Variants in NISCH observed in about 807,000 individuals in gnomAD.
NISCH encodes the protein I-1 receptor candidate protein.
Under a neutral mutation model 138.4 loss-of-function variants are expected in NISCH, and 55 were observed. That is an observed-to-expected ratio of 0.40 (90% CI 0.32 to 0.50). NISCH has a LOEUF of 0.50. Ranked by LOEUF, NISCH falls within the 20% of genes least tolerant of loss-of-function variation. NISCH has a pLI of 0.71. For synonymous variants in NISCH, 860 were observed against 861.5 expected, an observed-to-expected ratio of 1.00 and a Z score of 0.03; for missense variants, 1,643 against 2,005.5, an observed-to-expected ratio of 0.82 and a Z score of 3.45.
Position 52,488,394 on chromosome 3 carries a change from G to T in NISCH, c.2902G>T (p.Asp968Tyr). 1 of 1,613,856 alleles carries T rather than the reference G, an allele frequency of 6.2e-7. No individual in the cohort carries two copies. The highest frequency in any genetic ancestry group is 8.5e-7 in the Non-Finnish European group (1 of 1,180,014). ...TACCCAGCCTCGGGGCGCCTTTGCT[G>T]ATGGCCACGTGCTAGAGCTGCTCGT... Reference protein sequence around the residue: ...SCTQPRGAFADGHVLELLVGY... With the variant: ...SCTQPRGAFAYGHVLELLVGY... The change falls in exon 16 of 21, where the codon GAT becomes TAT. Residue 968 changes from aspartate (D) to tyrosine (Y), a missense_variant. Physicochemically the swap from Asp to Tyr is radical, Grantham distance 160. Transcript: ENST00000345716.
At chr3:52,481,544 C>T in intron 13 of NISCH, 2 of 985,526 alleles carry the variant, frequency 2.0e-6, no homozygotes, top group Non-Finnish European at 2.4e-6. Context: ...CCAAGCGAGC[C>T]TGTGGAGGTA....
intron 3 of NISCH, among the ~76,000 whole-genome samples, chr3:52,469,325 C>T (rs912259681): frequency 6.6e-6 from 1 of 152,226 alleles, no homozygotes; most frequent in South Asian, 2.1e-4. Context: ...ACAGTTATTA[C>T]ACTGAACTGC....
rs141525236 is a variant in NISCH at position 52,488,361 on chromosome 3, C to A, written c.2869C>A (p.Arg957Ser). 3 of 1,613,604 alleles carry A rather than the reference C, an allele frequency of 1.9e-6. No homozygotes were observed. The highest frequency in any genetic ancestry group is 1.7e-6 in the Non-Finnish European group (2 of 1,180,014). Residue 957 changes from arginine (R) to serine (S), a missense_variant, in exon 16 of 21, where the codon CGC becomes AGC. Arg to Ser is a moderately radical substitution (Grantham distance 110). Coordinates refer to ENST00000345716, the MANE Select transcript of NISCH (RefSeq NM_007184.4). ...PLSTVLLDPT[R>S]SCTQPRGAFA... Reference sequence around the variant, plus strand: ...CTCCACCGTGCTGCTGGACCCCACACGCAGCTGTACCCAGCCTCGGGGCGC... The same window carrying A: ...CTCCACCGTGCTGCTGGACCCCACAAGCAGCTGTACCCAGCCTCGGGGCGC...
At chr3:52,475,206 A>G (rs552213536) in intron 7 of NISCH, among the ~76,000 whole-genome samples, 1 of 151,890 alleles carries the variant, frequency 6.6e-6, no homozygotes, top group Admixed American at 6.6e-5. Flanking sequence ...AAAAAAAAAA[A>G]AAAATTGGAT....
chr3:52,490,679 C>T (rs1707538120), intron 18 of NISCH, 26 bp from the exon 19 acceptor site: 3 of 1,614,058 alleles, frequency 1.9e-6, no homozygotes, highest in Non-Finnish European at 2.5e-6. Context: ...CCACCGCCTC[C>T]CTCTGTCCCT....
chr3:52,463,780 G>A (rs1263388499), intron 3 of NISCH, among the ~76,000 whole-genome samples: 1 of 147,692 alleles, frequency 6.8e-6, no homozygotes, highest in Admixed American at 6.8e-5. Flanking sequence ...CTGGGGTGCA[G>A]GCATGTGATC....
Position 52,487,649 on chromosome 3 carries a change from G to A in NISCH, c.2157G>A (p.Gln719=), listed in dbSNP as rs1444143267. The change falls in exon 16 of 21, where the codon CAG becomes CAA. Residue 719 remains glutamine (Q), a synonymous_variant. Transcript: ENST00000345716. This position sits in a 1 kb window ranked among gnomAD's most constrained non-coding sequence, Gnocchi z 9.1. ...TGTGGTGCTTCCTGATCCATGTGCA[G>A]GGCAGTATCCGCCAGTTCGCCGCCT... The part of the protein sequence containing the change: ...KVLWCFLIHV[Q]GSIRQFAACL... The A allele has an allele frequency of 1.9e-6, 3 of 1,613,872 alleles. No homozygotes were observed. The highest frequency in any genetic ancestry group is 2.5e-6 in the Non-Finnish European group (3 of 1,180,020).
At chr3:52,457,074 C>T (rs1706495472) in intron 1 of NISCH, among the ~76,000 whole-genome samples, 1 of 152,186 alleles carries the variant, frequency 6.6e-6, no homozygotes, top group African/African-American at 2.4e-5. Flanking sequence ...GGGTCAGGCC[C>T]ATGTACAAAG....
intron 15 of NISCH, chr3:52,486,533 T>C (rs1171186158): frequency 2.0e-5 from 3 of 152,448 alleles, no homozygotes; most frequent in African/African-American, 4.8e-5. Flanking sequence ...CAAGCGATTC[T>C]TCTGCCTCAG....
intron 3 of NISCH, among the ~76,000 whole-genome samples, chr3:52,469,455 T>A (rs1161593487): frequency 1.3e-5 from 2 of 152,218 alleles, no homozygotes; most frequent in Non-Finnish European, 1.5e-5. Flanking sequence ...TGTTCATTTG[T>A]GAAACGGAGC....
Position 52,492,323 on chromosome 3 carries a change from G to T in NISCH, c.4356G>T (p.Gly1452=). Residue 1452 remains glycine, a synonymous_variant, in exon 21 of 21, where the codon GGG becomes GGT. Transcript: ENST00000345716. ...LMGSVTLDHF[G]EVPGGPARAS... ...GCAGTGTCACCCTGGACCACTTTGG[G>T]GAGGTGCCAGGTGGCCCGGCTAGAG... The T allele has an allele frequency of 6.2e-7, 1 of 1,613,456 alleles. No homozygotes were observed. Among genetic ancestry groups the T allele is most frequent in the South Asian group, 1.1e-5 (1 of 91,090 alleles).
In NISCH at chr3:52,491,386, G is replaced by A. The variant is rs148110008; in HGVS notation, c.3777G>A (p.Thr1259=). 8 of 1,612,978 alleles carry A rather than the reference G, an allele frequency of 5.0e-6. No individual in the cohort carries two copies. Among genetic ancestry groups the A allele is most frequent in the South Asian group, 1.1e-5 (1 of 91,064 alleles). Residue 1259 remains threonine (T), a synonymous_variant, in exon 20 of 21, where the codon ACG becomes ACA. Transcript: ENST00000345716. Reference sequence around the variant, plus strand: ...CGATGCAGGTGGTCACGTGCTTGACGCGGGACAGCTACCTGACGCACTGCT... The same window carrying A: ...CGATGCAGGTGGTCACGTGCTTGACACGGGACAGCTACCTGACGCACTGCT... ...STPMQVVTCL[T]RDSYLTHCFL... is the part of the protein sequence containing the mutation.
At position 52,484,496 on chromosome 3, in the gene NISCH, C is replaced by T. The variant is rs763117429; in HGVS notation, c.1529-17C>T. 17 of 1,592,702 alleles carry T rather than the reference C, an allele frequency of 1.1e-5. No individual in the cohort carries two copies. The highest frequency in any genetic ancestry group is 6.8e-5 in the Admixed American group (4 of 58,724). ...CACCCACCCTGCCTGCCTGCCCACCCGCCCTGGTCTCTCCAGGAATCATGT... is the reference window on the plus strand; with the variant it reads ...CACCCACCCTGCCTGCCTGCCCACCTGCCCTGGTCTCTCCAGGAATCATGT... On this transcript the variant is annotated splice_polypyrimidine_tract_variant and intron_variant, in intron 13 of 20. Transcript: ENST00000345716.
chr3:52,484,462 T>TTGGGGGCCCCCCCCC, intron 13 of NISCH, 51 bp from the exon 14 acceptor site: 2 of 788,670 alleles, frequency 2.5e-6, no homozygotes, highest in Non-Finnish European at 3.7e-6. Context: ...ACAGCCGCTC[T>TTGGGGGCCCCCCCCC]CCCCGCCCCA....
Position 52,480,547 on chromosome 3 carries a change from C to T in NISCH, c.1528+252C>T, listed in dbSNP as rs545996545. The T allele has an allele frequency of 2.4e-5, 36 of 1,469,808 alleles. No individual in the cohort carries two copies. The African/African-American group carries it at 2.7e-4, about 11-fold the overall frequency. The allele number at this position is 1,469,808 out of a possible 1,614,324, so 91.0% of individuals were successfully genotyped here. The stretch of plus-strand genomic sequence containing the variant: ...CCCACATCCAGCTCCTCTAGGAGAC[C>T]GCAGGGTGTCTGACAGGCCCTGAGG... On this transcript the variant is annotated intron_variant, in intron 13 of 20. Coordinates refer to ENST00000345716, the MANE Select transcript of NISCH (RefSeq NM_007184.4).
Position 52,492,533 on chromosome 3 carries a change from G to A in NISCH, c.*51G>A. On this transcript the variant is annotated 3_prime_UTR_variant, in exon 21 of 21. Coordinates refer to ENST00000345716, the MANE Select transcript of NISCH (RefSeq NM_007184.4). ...TCCAGCCTGACGCCTACTGGGGCAG[G>A]GCAGCAGGCTTTTGTGTTCTCTAAA... 1 of 1,515,606 alleles carries A rather than the reference G, an allele frequency of 6.6e-7. No individual in the cohort carries two copies. The highest frequency in any genetic ancestry group is 8.8e-7 in the Non-Finnish European group (1 of 1,138,642). 93.9% of individuals were successfully genotyped at this position (1,515,606 alleles called of 1,614,324 possible).
rs778828509 is a variant in NISCH at position 52,478,529 on chromosome 3, C to T, written c.1254C>T (p.Pro418=). Residue 418 remains proline (P), a synonymous_variant, in exon 11 of 21, where the codon CCC becomes CCT. Coordinates refer to ENST00000345716, the MANE Select transcript of NISCH (RefSeq NM_007184.4). ...SLLNNPLSII[P]DYRTKVLAQF... ...TGAACAACCCTCTGAGCATCATCCC[C>T]GACTACCGGACCAAGGTGCTGGCTC... The T allele has an allele frequency of 2.4e-5, 38 of 1,614,056 alleles. No homozygotes were observed. Among genetic ancestry groups the T allele is most frequent in the East Asian group, 1.3e-4 (6 of 44,900 alleles).
intron 3 of NISCH, among the ~76,000 whole-genome samples, chr3:52,467,432 C>A (rs1358594470): frequency 6.6e-6 from 1 of 152,204 alleles, no homozygotes; most frequent in Non-Finnish European, 1.5e-5. Context: ...CTCCTCCTGG[C>A]GTGGGGAGGC....
rs566817686 is a variant in NISCH, at chr3:52,487,176, C to A, written c.1704-20C>A. On this transcript the variant is annotated intron_variant, in intron 15 of 20. Transcript: ENST00000345716. This position sits in a 1 kb window ranked among gnomAD's most constrained non-coding sequence, Gnocchi z 9.1. ...GGGGCCCCTCCCAGCATGCCACTGA[C>A]CTGGCCTCTCCCTGCACAGCCCAGA... 6.9e-6 allele frequency: 11 copies of A among 1,601,426 alleles called. No individual in the cohort carries two copies. Among genetic ancestry groups the A allele is most frequent in the Non-Finnish European group, 9.4e-6 (11 of 1,171,986 alleles).
Sources: gnomAD v4.1 joint callset for allele counts (sites outside exome capture counted in the v4.1 genomes callset) on GRCh38, gnomAD v4.1.1 for gene constraint, Gnocchi (gnomAD v3.1) non-coding constraint, MANE v1.5 for transcripts, NCBI Gene and HGNC (gene_info 2026-07-23, HGNC 2026-07-21) for gene names.